The following DEPDC4 variants were observed in gnomAD, a reference collection of about 807,000 sequenced individuals.
DEPDC4 encodes DEP domain-containing protein 4.
Under a neutral mutation model 52.0 loss-of-function variants are expected in DEPDC4, and 52 were observed. The ratio of observed to expected loss-of-function variants is 1.00; its 90% CI spans 0.80 to 1.26. The LOEUF is 1.26. Ranked by LOEUF, DEPDC4 falls within the 50% of genes most tolerant of loss-of-function variation. DEPDC4 has a pLI of 0.00. For synonymous variants in DEPDC4, 201 were observed against 196.8 expected (o/e 1.02, Z -0.18); for missense variants, 530 against 546.9 (o/e 0.97, Z 0.31).
At chr12:100,268,134 C>T (rs117883090), upstream of DEPDC4, among the ~76,000 whole-genome samples, 331 of 152,328 alleles carry the variant, frequency 2.2e-3, 4 homozygotes, top group East Asian at 0.036. Context: ...TCCAGACAAG[C>T]TGCTTAAAAG....
At chr12:100,235,412 C>G (rs1200550102), downstream of DEPDC4, among the ~76,000 whole-genome samples, 3 of 148,124 alleles carry the variant, frequency 2.0e-5, no homozygotes, top group Non-Finnish European at 3.0e-5. Flanking sequence ...TTTTGGGGAA[C>G]AGGTGGTATT....
the DEPDC4 span, among the ~76,000 whole-genome samples, chr12:100,277,957 A>G: frequency 2.0e-5 from 3 of 152,128 alleles, no homozygotes; most frequent in Non-Finnish European, 4.4e-5. Context: ...CCTGCCTTCA[A>G]ATGATACTGT....
At chr12:100,274,616 C>A in the DEPDC4 span, among the ~76,000 whole-genome samples, 1 of 152,218 alleles carries the variant, frequency 6.6e-6, no homozygotes, top group African/African-American at 2.4e-5. Context: ...AGATTGCATC[C>A]CCCTCCTCCC....
In DEPDC4 at chr12:100,266,998, TCTGA is replaced by T. The variant is rs1320864394; in HGVS notation, c.75_78del (p.Ser25ArgfsTer9). On this transcript the variant is annotated frameshift_variant, in exon 1 of 10. Transcript: ENST00000550587. LOFTEE classifies it high-confidence loss of function. ...TTCAGCCCTGGGCCCGGAAGCTCGTTCTGACTGACAAGTCTACGGAACCTCGGAG... is the reference window on the plus strand; with the variant it reads ...TTCAGCCCTGGGCCCGGAAGCTCGTTCTGACAAGTCTACGGAACCTCGGAG... 1.2e-6 allele frequency: 2 copies of T among 1,613,986 alleles called. No homozygotes were observed. The highest frequency in any genetic ancestry group is 1.7e-5 in the Admixed American group (1 of 59,978).
At chr12:100,278,123 C>T in the DEPDC4 span, among the ~76,000 whole-genome samples, 2,567 of 152,118 alleles carry the variant, frequency 0.017, 73 homozygotes, top group African/African-American at 0.058. Context: ...GGTATTATGA[C>T]GTGAAAAGTA....
At chr12:100,271,200 C>A (rs2096287209), upstream of DEPDC4, among the ~76,000 whole-genome samples, 1 of 127,434 alleles carries the variant, frequency 7.8e-6, no homozygotes, top group Admixed American at 9.5e-5. Flanking sequence ...ATGTATATTT[C>A]AAGAATACAT....
chr12:100,243,006 C>A (rs2096166322), intron 8 of DEPDC4, among the ~76,000 whole-genome samples: 1 of 152,072 alleles, frequency 6.6e-6, no homozygotes, highest in Non-Finnish European at 1.5e-5. Flanking sequence ...GGTACCAAAT[C>A]CTATATGTAC....
rs957722206 is a variant in DEPDC4, at chr12:100,241,566, A to G, written c.*326T>C. The G allele has an allele frequency of 7.1e-6, 5 of 708,300 alleles. No homozygotes were observed. Among genetic ancestry groups the G allele is most frequent in the Non-Finnish European group, 9.2e-6 (5 of 542,008 alleles). 43.9% of individuals were successfully genotyped at this position (708,300 alleles called of 1,614,324 possible). A position where few individuals can be genotyped will look rare whatever the true frequency, so the allele number is the denominator to read the frequency against. On this transcript the variant is annotated 3_prime_UTR_variant, in exon 10 of 10. Coordinates refer to ENST00000550587, the MANE Select transcript of DEPDC4 (RefSeq NM_001364818.2). ...AAAAATAAAAAATAAAACACTTAAA[A>G]TCCTTTGAGATTATGCTTTCTCTGA...
upstream of DEPDC4, chr12:100,267,156 C>T: frequency 2.7e-6 from 4 of 1,477,124 alleles, no homozygotes; most frequent in Middle Eastern, 2.2e-4. Flanking sequence ...TGACGTCATG[C>T]CCCCGGCCGG....
chr12:100,233,882 A>G (rs1239312319), intron 9 of DEPDC4, among the ~76,000 whole-genome samples: 4 of 152,206 alleles, frequency 2.6e-5, no homozygotes, highest in Non-Finnish European at 5.9e-5. Context: ...TTGTCTCAAA[A>G]AAAAATTTTT....
the DEPDC4 span, among the ~76,000 whole-genome samples, chr12:100,279,909 T>A: frequency 0.033 from 4,963 of 152,318 alleles, 104 homozygotes; most frequent in African/African-American, 0.059. Flanking sequence ...CAGTTTGCAT[T>A]TTCTTCAGCA....
At chr12:100,232,395 C>CAA (rs71436984) in intron 9 of DEPDC4, among the ~76,000 whole-genome samples, 36 of 116,298 alleles carry the variant, frequency 3.1e-4, no homozygotes, top group Non-Finnish European at 5.0e-4. Context: ...GACTCCGTCT[C>CAA]AAAAAAAAAA....
chr12:100,248,548 G>C (rs1281371197), intron 8 of DEPDC4, among the ~76,000 whole-genome samples: 2 of 152,144 alleles, frequency 1.3e-5, no homozygotes, highest in East Asian at 1.9e-4. Flanking sequence ...GCAGGCAAGG[G>C]AGAGAGGATG....
chr12:100,259,888 A>C (rs943248595), intron 3 of DEPDC4, among the ~76,000 whole-genome samples: 4 of 152,248 alleles, frequency 2.6e-5, no homozygotes, highest in African/African-American at 7.2e-5. Context: ...AAACAAGGGT[A>C]AGGATAATAC....
chr12:100,254,319 C>CCTT, intron 4 of DEPDC4, among the ~76,000 whole-genome samples: 1 of 89,436 alleles, frequency 1.1e-5, no homozygotes. Context: ...TTTTTTTTGA[C>CCTT]TTTTTTTTTT....
intron 9 of DEPDC4, among the ~76,000 whole-genome samples, chr12:100,232,541 A>C (rs1002165849): frequency 6.6e-6 from 1 of 152,174 alleles, no homozygotes; most frequent in African/African-American, 2.4e-5. Flanking sequence ...TTGTGTAACA[A>C]GCACTCCAGG....
At chr12:100,250,956 A>G (rs1369639591) in intron 7 of DEPDC4, among the ~76,000 whole-genome samples, 1 of 152,132 alleles carries the variant, frequency 6.6e-6, no homozygotes, top group Non-Finnish European at 1.5e-5. Context: ...TGAATGAAAC[A>G]TTTTTTAATG....
chr12:100,275,405 A>C, the DEPDC4 span, among the ~76,000 whole-genome samples: 2 of 152,134 alleles, frequency 1.3e-5, no homozygotes, highest in Non-Finnish European at 2.9e-5. Context: ...TATGTTACCC[A>C]GGCTGATCTC....
At chr12:100,277,166 T>C in the DEPDC4 span, among the ~76,000 whole-genome samples, 1 of 152,224 alleles carries the variant, frequency 6.6e-6, no homozygotes, top group Admixed American at 6.5e-5. Flanking sequence ...CAACATATAG[T>C]TCATTTTAGT....
Sources: allele counts gnomAD v4.1 joint callset (sites outside exome capture counted in the v4.1 genomes callset), GRCh38; gene constraint gnomAD v4.1.1; transcripts MANE v1.5; gene names NCBI Gene and HGNC (gene_info 2026-07-23, HGNC 2026-07-21).